Variants in ACSBG2 observed in about 807,000 individuals in gnomAD.
ACSBG2 encodes long-chain-fatty-acid--CoA ligase ACSBG2.
ACSBG2 carries 62 observed loss-of-function variants against 74.7 expected under a neutral mutation model. The ratio of observed to expected loss-of-function variants is 0.83; its 90% confidence interval spans 0.68 to 1.03. The LOEUF is 1.03. Among genes scored for constraint, ACSBG2 ranks in the 50% least tolerant of loss-of-function variants. The pLI is 0.00. For missense variants in ACSBG2, 730 were observed against 817.6 expected, an observed-to-expected ratio of 0.89 and a Z score of 1.31; for synonymous variants, 309 against 294.1, an observed-to-expected ratio of 1.05 and a Z score of -0.52.
At chr19:6,137,897 A>C (rs960875407) in intron 1 of ACSBG2, among the ~76,000 whole-genome samples, 2 of 151,978 alleles carry the variant, frequency 1.3e-5, no homozygotes, top group Non-Finnish European at 2.9e-5. Context: ...CAGGTGATCC[A>C]CCCGCCTCGG....
At chr19:6,153,018 C>T (rs527549556) in intron 4 of ACSBG2, among the ~76,000 whole-genome samples, 4 of 151,646 alleles carry the variant, frequency 2.6e-5, no homozygotes, top group South Asian at 2.1e-4. Flanking sequence ...CCAAGGCAGG[C>T]GGATCACAAG....
rs758652190 is a variant in ACSBG2 at position 6,183,070 on chromosome 19, G to C, written c.1120G>C (p.Ala374Pro). The C allele has an allele frequency of 6.2e-7, 1 of 1,614,162 alleles. No homozygotes were observed. Among genetic ancestry groups the C allele is most frequent in the Non-Finnish European group, 8.5e-7 (1 of 1,180,022 alleles). Residue 374 changes from alanine (A) to proline (P), a missense_variant, in exon 10 of 15, where the codon GCT becomes CCT. Physicochemically the swap from Ala to Pro is conservative, Grantham distance 27 (BLOSUM62 -1). Transcript: ENST00000588485. ...TAATACTCCCGTGAGCTACCGCATG[G>C]CTAAGACTCTCGTGTTCAGCAAAGT... Reference protein sequence around the residue: ...KYNTPVSYRMAKTLVFSKVKT... With the variant: ...KYNTPVSYRMPKTLVFSKVKT...
chr19:6,184,832 GAAAAAAAAAAAAAAAAAAAAA>G (rs371866289), intron 10 of ACSBG2, among the ~76,000 whole-genome samples: 1,305 of 13,502 alleles, frequency 0.097, 38 homozygotes, highest in African/African-American at 0.15. Flanking sequence ...ATGTGGAGAT[GAAAAAAAAAAAAAAAAAAAAA>G]AAAAAAAAAA....
rs1429417314 is a variant in ACSBG2, at chr19:6,146,962, A to G, written c.68-484A>G. Among the ~76,000 whole-genome samples, 4 of 151,784 alleles carry G rather than the reference A, an allele frequency of 2.6e-5. No homozygotes were observed. In the South Asian group the frequency reaches 6.2e-4, roughly 24 times the overall value. On this transcript the variant is annotated intron_variant, in intron 2 of 14. Coordinates refer to ENST00000588485, the MANE Select transcript of ACSBG2 (RefSeq NM_030924.5). ...ACATTAAAAAATAAATTAGCTAGGC[A>G]TGGTGGTGTTTGCCTGTAGTTCCAG...
chr19:6,184,832 GAAAAAAAAAAAAAAAAAAAAAAAAAAA>G (rs371866289), intron 10 of ACSBG2, among the ~76,000 whole-genome samples: 2 of 13,534 alleles, frequency 1.5e-4, no homozygotes, highest in Non-Finnish European at 2.8e-4. Flanking sequence ...ATGTGGAGAT[GAAAAAAAAAAAAAAAAAAAAAAAAAAA>G]AAAAAAAAAA....
chr19:6,151,662 C>T (rs1336176466), intron 3 of ACSBG2, 45 bp from the exon 4 acceptor site: 1 of 1,522,214 alleles, frequency 6.6e-7, no homozygotes, highest in African/African-American at 1.4e-5. Flanking sequence ...GATATAACAT[C>T]TCTGTGTTTA....
rs779876461 is a variant in ACSBG2 at position 6,156,570 on chromosome 19, C to G, written c.507+19C>G. 2 of 1,522,596 alleles carry G rather than the reference C, an allele frequency of 1.3e-6. No individual in the cohort carries two copies. Among genetic ancestry groups the G allele is most frequent in the Non-Finnish European group, 1.8e-6 (2 of 1,134,300 alleles). 94.3% of individuals were successfully genotyped at this position (1,522,596 alleles called of 1,614,324 possible). A position where few individuals can be genotyped will look rare whatever the true frequency, so the allele number is the denominator to read the frequency against. ...CCTTTCGGTAAACCCCTACCCAGCA[C>G]TGCCTGCCAAAGTCACCCAGGGGTA... On this transcript the variant is annotated intron_variant, in intron 5 of 14. Coordinates refer to ENST00000588485, the MANE Select transcript of ACSBG2 (RefSeq NM_030924.5).
intron 5 of ACSBG2, chr19:6,160,661 T>C (rs2089576987): frequency 6.6e-6 from 1 of 150,894 alleles, no homozygotes; most frequent in Non-Finnish European, 1.5e-5. Context: ...AGAGATGTGT[T>C]GTCTCGGGCA....
intron 5 of ACSBG2, among the ~76,000 whole-genome samples, chr19:6,157,042 G>A (rs886629022): frequency 2.0e-5 from 3 of 151,888 alleles, no homozygotes; most frequent in Non-Finnish European, 4.4e-5. Context: ...TGCCTCCTGG[G>A]TTCATGCCAT....
intron 2 of ACSBG2, among the ~76,000 whole-genome samples, chr19:6,142,020 C>T (rs1467325960): frequency 4.6e-5 from 7 of 152,150 alleles, no homozygotes; most frequent in African/African-American, 7.2e-5. Context: ...TGTGGGCCAC[C>T]GTGCCCAGCC....
chr19:6,152,384 G>A lies in ACSBG2; in HGVS notation c.386+589G>A, dbSNP rs1478594919. ...CGGCTCACTGCAAGCTCCGCTTCCC[G>A]GGTTCACGCCATTCTCCTGCCTCAG... On this transcript the variant is annotated intron_variant, in intron 4 of 14. Coordinates refer to ENST00000588485, the MANE Select transcript of ACSBG2 (RefSeq NM_030924.5). 6.9e-5 allele frequency among the ~76,000 whole-genome samples: 4 copies of A among 58,000 alleles called. 1 individual carries two copies. Among genetic ancestry groups the A allele is most frequent in the African/African-American group, 2.0e-4 (4 of 20,156 alleles). The allele number at this position is 58,000 out of a possible 152,430, so 38.1% of individuals were successfully genotyped here. A position where few individuals can be genotyped will look rare whatever the true frequency, so the allele number is the denominator to read the frequency against.
intron 5 of ACSBG2, chr19:6,160,442 T>G (rs2089570764): frequency 6.6e-6 from 1 of 151,576 alleles, no homozygotes; most frequent in African/African-American, 2.4e-5. Context: ...GCAGGTCACC[T>G]GAACCTTACC....
chr19:6,177,162 A>G (rs1319976513), intron 7 of ACSBG2, 67 bp from the exon 8 acceptor site: 2 of 1,551,530 alleles, frequency 1.3e-6, no homozygotes, highest in Middle Eastern at 1.7e-4. Flanking sequence ...AAAAATAAAT[A>G]AAAATTTAAA....
intron 4 of ACSBG2, among the ~76,000 whole-genome samples, chr19:6,154,973 C>A (rs777405660): frequency 1.3e-5 from 2 of 152,198 alleles, no homozygotes; most frequent in Non-Finnish European, 2.9e-5. Flanking sequence ...GCACACATCT[C>A]CATGCCTCAC....
At chr19:6,138,747 A>C (rs1051626931) in intron 1 of ACSBG2, among the ~76,000 whole-genome samples, 1 of 145,378 alleles carries the variant, frequency 6.9e-6, no homozygotes, top group African/African-American at 2.6e-5. Context: ...GAAGGGTAGG[A>C]GAATGGGAAA....
chr19:6,161,203 ACTTT>A lies in ACSBG2; in HGVS notation c.508-6_508-3del. ...TGGGTTGCCATGAAGCCCACAGGGA[ACTTT>A]CTTTCAGATTCCACAGAGCAGCCTA... On this transcript the variant is annotated splice_region_variant and splice_polypyrimidine_tract_variant and intron_variant, in intron 5 of 14. Transcript: ENST00000588485. The A allele has an allele frequency of 1.1e-5, 17 of 1,612,088 alleles. No individual in the cohort carries two copies. Among genetic ancestry groups the A allele is most frequent in the Non-Finnish European group, 1.4e-5 (17 of 1,178,500 alleles).
intron 2 of ACSBG2, among the ~76,000 whole-genome samples, chr19:6,144,477 A>T (rs939416913): frequency 6.6e-5 from 10 of 152,212 alleles, no homozygotes; most frequent in African/African-American, 2.4e-4. Flanking sequence ...ATTGCCGGCA[A>T]CCGCAGCTAG....
intron 8 of ACSBG2, 59 bp from the exon 9 acceptor site, chr19:6,182,692 T>C (rs927474988): frequency 1.3e-6 from 2 of 1,538,094 alleles, no homozygotes; most frequent in South Asian, 1.2e-5. Flanking sequence ...TCAGGAGAGA[T>C]GGACATCCCT....
At chr19:6,166,564 T>C (rs564430858) in intron 7 of ACSBG2, among the ~76,000 whole-genome samples, 102 of 152,066 alleles carry the variant, frequency 6.7e-4, no homozygotes, top group African/African-American at 2.5e-3. Flanking sequence ...TCCACCGCCT[T>C]GGCCTCCCAA....
Sources: gnomAD v4.1 joint callset for allele counts (sites outside exome capture counted in the v4.1 genomes callset) on GRCh38, gnomAD v4.1.1 for gene constraint, MANE v1.5 for transcripts, NCBI Gene and HGNC (gene_info 2026-07-23, HGNC 2026-07-21) for gene names.